The following PCDHGB6 variants were observed in gnomAD, a reference collection of about 807,000 sequenced individuals.
The protein encoded by PCDHGB6 is protocadherin gamma subfamily B, 6, also known as protocadherin gamma-B6.
A neutral mutation model predicts 59.1 loss-of-function variants in PCDHGB6; 51 were observed. That is an observed-to-expected ratio of 0.86 (90% confidence interval 0.69 to 1.09). The LOEUF (loss-of-function observed/expected upper bound fraction) is 1.09, where lower values mean the gene tolerates loss of function less well. Among genes scored for constraint, PCDHGB6 ranks in the 50% least tolerant of loss-of-function variants. PCDHGB6 has a pLI of 0.00. For synonymous variants in PCDHGB6, 466 were observed against 495.1 expected (o/e 0.94, Z 0.78); for missense variants, 1,148 against 1,205.1 (o/e 0.95, Z 0.70).
chr5:141,494,792 C>A lies in PCDHGB6; in HGVS notation c.2419-15C>A. The A allele has an allele frequency of 6.2e-7, 1 of 1,614,132 alleles. No individual in the cohort carries two copies. Among genetic ancestry groups the A allele is most frequent in the East Asian group, 2.2e-5 (1 of 44,878 alleles). Reference sequence around the variant, plus strand: ...TCACGGGTACTCAGCCCCTTTCCCTCTGTTTTCTCCACAGCAAGCCCCGCC... The same window carrying A: ...TCACGGGTACTCAGCCCCTTTCCCTATGTTTTCTCCACAGCAAGCCCCGCC... On this transcript the variant is annotated splice_polypyrimidine_tract_variant and intron_variant, in intron 1 of 3. Transcript: ENST00000520790.
chr5:141,509,684 C>G (rs572295300), intron 3 of PCDHGB6, among the ~76,000 whole-genome samples: 139 of 152,310 alleles, frequency 9.1e-4, no homozygotes, highest in Admixed American at 3.7e-3. Flanking sequence ...TTCTTCTGTA[C>G]AGTGGGACGT....
At chr5:141,412,001 A>G (rs2095528527) in intron 1 of PCDHGB6, 1 of 151,750 alleles carries the variant, frequency 6.6e-6, no homozygotes, top group Non-Finnish European at 1.5e-5. Flanking sequence ...GCATAGTGAC[A>G]TAAACACTTC....
intron 1 of PCDHGB6, among the ~76,000 whole-genome samples, chr5:141,444,714 CTTGGTGCCT>C (rs2098445168): frequency 6.6e-6 from 1 of 152,122 alleles, no homozygotes; most frequent in Non-Finnish European, 1.5e-5. Context: ...GTTGAATTTG[CTTGGTGCCT>C]TTGTTGAAAG....
chr5:141,423,706 A>C (rs1045905298), intron 1 of PCDHGB6: 1 of 1,231,762 alleles, frequency 8.1e-7, no homozygotes, highest in Admixed American at 3.4e-5. Context: ...TCTTGGCACA[A>C]GTCTTTTAAG....
rs1297899765 is a variant in PCDHGB6, at chr5:141,431,815, C to T, written c.2418+21195C>T. ...CCCCAGAAGTGGTCCTCACCTCTCTCGCCAGCTCGGTTCCCGAAAACTCTC... is the reference window on the plus strand; with the variant it reads ...CCCCAGAAGTGGTCCTCACCTCTCTTGCCAGCTCGGTTCCCGAAAACTCTC... On this transcript the variant is annotated intron_variant, in intron 1 of 3. Transcript: ENST00000520790. The surrounding 1 kb of genome is among the most constrained non-coding windows in gnomAD (Gnocchi z 4.8). 5 of 1,614,124 alleles carry T rather than the reference C, an allele frequency of 3.1e-6. No homozygotes were observed. The Admixed American group carries it at 5.0e-5, about 16-fold the overall frequency.
At position 141,491,660 on chromosome 5, in the gene PCDHGB6, C is replaced by G; in HGVS notation, c.2419-3147C>G. 6.2e-7 allele frequency: 1 copy of G among 1,613,810 alleles called. No individual in the cohort carries two copies. ...ACAGCTCTGGCGCTGGAGCCTGACG[C>G]CATCCGGTCCCGCTCTAATACGCTG... is the stretch of plus-strand genomic sequence containing the variant. On this transcript the variant is annotated intron_variant, in intron 1 of 3. Transcript: ENST00000520790. The surrounding 1 kb of genome is among the most constrained non-coding windows in gnomAD (Gnocchi z 6.9).
intron 3 of PCDHGB6, among the ~76,000 whole-genome samples, chr5:141,506,861 G>A (rs2099856791): frequency 6.6e-6 from 1 of 152,178 alleles, no homozygotes; most frequent in African/African-American, 2.4e-5. Context: ...TGGAGGACTG[G>A]TGGGTAGAGA....
intron 1 of PCDHGB6, among the ~76,000 whole-genome samples, chr5:141,481,400 T>C (rs2154578591): frequency 6.6e-6 from 1 of 152,358 alleles, no homozygotes; most frequent in East Asian, 1.9e-4. Context: ...GTGACAAAAT[T>C]CTTGTATAAT....
At chr5:141,492,673 C>T (rs2099743035) in intron 1 of PCDHGB6, among the ~76,000 whole-genome samples, 1 of 152,250 alleles carries the variant, frequency 6.6e-6, no homozygotes, top group Non-Finnish European at 1.5e-5. Flanking sequence ...GGGACTCCGT[C>T]TCAAGGGTCG....
At chr5:141,419,359 G>C (rs1257423360) in intron 1 of PCDHGB6, 1 of 1,613,796 alleles carries the variant, frequency 6.2e-7, no homozygotes. Flanking sequence ...AGTCACGAAC[G>C]CTGTCGTCCT....
intron 1 of PCDHGB6, chr5:141,416,195 CAATT>C (rs1181982521): frequency 6.6e-6 from 1 of 152,322 alleles, no homozygotes; most frequent in African/African-American, 2.4e-5. Flanking sequence ...ATTGAATTAA[CAATT>C]TATTTATAAC....
At chr5:141,450,006 C>CTATTTTTTTTTTTT (rs70988802) in intron 1 of PCDHGB6, among the ~76,000 whole-genome samples, 1 of 132,966 alleles carries the variant, frequency 7.5e-6, no homozygotes, top group Non-Finnish European at 1.6e-5. Flanking sequence ...TGCCATGTCT[C>CTATTTTTTTTTTTT]TTTTTTTTTT....
chr5:141,453,784 G>T (rs767312144), intron 1 of PCDHGB6, among the ~76,000 whole-genome samples: 47 of 152,298 alleles, frequency 3.1e-4, no homozygotes, highest in Non-Finnish European at 5.6e-4. Flanking sequence ...AGTTACCATG[G>T]TATATTAACT....
rs756993242 is a variant in PCDHGB6 at position 141,432,265 on chromosome 5, G to T, written c.2418+21645G>T. 2.5e-6 allele frequency: 4 copies of T among 1,614,210 alleles called. No homozygotes were observed. The South Asian group carries it at 3.3e-5, about 13-fold the overall frequency. ...ACACCATCCAAGGGGCAAGCCTATC[G>T]TCCTACGTGTCCATCAACTCCGACA... On this transcript the variant is annotated intron_variant, in intron 1 of 3. Coordinates refer to ENST00000520790, the MANE Select transcript of PCDHGB6 (RefSeq NM_018926.3). This position sits in a 1 kb window ranked among gnomAD's most constrained non-coding sequence, Gnocchi z 6.0.
intron 1 of PCDHGB6, chr5:141,426,993 G>A (rs1331210977): frequency 1.1e-5 from 5 of 456,742 alleles, no homozygotes; most frequent in Middle Eastern, 3.3e-4. Context: ...CAACGATAAT[G>A]CCCCAGTTTT....
At chr5:141,439,190 CAA>C (rs200519543) in intron 1 of PCDHGB6, among the ~76,000 whole-genome samples, 3 of 111,702 alleles carry the variant, frequency 2.7e-5, no homozygotes, top group Non-Finnish European at 4.0e-5. Flanking sequence ...GAGACTCTGA[CAA>C]AAAAAAAAAA....
chr5:141,409,421 G>C lies in PCDHGB6; in HGVS notation c.1219G>C (p.Asp407His), dbSNP rs1381290106. ...CAATAACTACTACAAACTGGTGACAGATGGAGCCCTGGACCGAGAGCAGAC... is the reference window on the plus strand; with the variant it reads ...CAATAACTACTACAAACTGGTGACACATGGAGCCCTGGACCGAGAGCAGAC... ...SSNNYYKLVT[D>H]GALDREQTPE... The change falls in exon 1 of 4, where the codon GAT becomes CAT. Residue 407 changes from aspartate to histidine, a missense_variant. Around this residue, in one of 5 missense-constraint regions of PCDHGB6, gnomAD observed 549 missense variants for 527.5 expected, o/e 1.04. Coordinates refer to ENST00000520790, the MANE Select transcript of PCDHGB6 (RefSeq NM_018926.3). 6.2e-7 allele frequency: 1 copy of C among 1,614,044 alleles called. No homozygotes were observed. Among genetic ancestry groups the C allele is most frequent in the South Asian group, 1.1e-5 (1 of 91,088 alleles).
chr5:141,488,885 T>C (rs1401230063), intron 1 of PCDHGB6, among the ~76,000 whole-genome samples: 1 of 152,194 alleles, frequency 6.6e-6, no homozygotes, highest in Admixed American at 6.5e-5. Flanking sequence ...GAAGCTTCTG[T>C]GACACAGATT....
intron 1 of PCDHGB6, among the ~76,000 whole-genome samples, chr5:141,483,646 GTT>G (rs2099584256): frequency 6.8e-6 from 1 of 146,706 alleles, no homozygotes; most frequent in Admixed American, 6.7e-5. Flanking sequence ...AGGGGTGTGT[GTT>G]TGTGTGTGTG....
Sources: allele counts gnomAD v4.1 joint callset (sites outside exome capture counted in the v4.1 genomes callset), GRCh38; gene constraint gnomAD v4.1.1; regional missense constraint gnomAD v4.1.1; non-coding constraint Gnocchi (gnomAD v3.1); transcripts MANE v1.5; gene names NCBI Gene and HGNC (gene_info 2026-07-23, HGNC 2026-07-21).